RERE: variants seen among roughly 807,000 people sequenced by gnomAD.
RERE encodes arginine-glutamic acid dipeptide repeats protein.
RERE carries 40 observed loss-of-function variants against 146.1 expected under a neutral mutation model. The observed-to-expected ratio is 0.27, with a 90% CI of 0.21 to 0.36. The LOEUF is 0.36. RERE is among the 10% of genes least tolerant of loss of function. The pLI is 1.00. For synonymous variants in RERE, 1,003 were observed against 866.0 expected (o/e 1.16, Z -2.78); for missense variants, 1,933 against 2,138.7 (o/e 0.90, Z 1.90).
In RERE at chr1:8,352,859, G is replaced by A. The variant is rs1351263088; in HGVS notation, c.*2228C>T. ...ATGGGGAGAAAAGCAAAGCTAACAA[G>A]AATGCCTTCGGACGGCTTTCAAGCA... On this transcript the variant is annotated 3_prime_UTR_variant, in exon 23 of 23. Transcript: ENST00000400908. The A allele has an allele frequency of 1.3e-5, 2 of 152,608 alleles. No individual in the cohort carries two copies. The highest frequency in any genetic ancestry group is 4.8e-5 in the African/African-American group (2 of 41,470). 9.5% of individuals were successfully genotyped at this position (152,608 alleles called of 1,614,324 possible). A position where few individuals can be genotyped will look rare whatever the true frequency, so the allele number is the denominator to read the frequency against.
chr1:8,389,371 C>T (rs776099584), intron 12 of RERE, among the ~76,000 whole-genome samples: 13 of 152,314 alleles, frequency 8.5e-5, no homozygotes, highest in Non-Finnish European at 1.6e-4. Context: ...CATCCACTGG[C>T]GTGTGACGTC....
chr1:8,550,086 T>C (rs1645915511), intron 6 of RERE, among the ~76,000 whole-genome samples: 1 of 152,218 alleles, frequency 6.6e-6, no homozygotes, highest in Non-Finnish European at 1.5e-5. Flanking sequence ...TTCTGATAAC[T>C]GTACTATAGT....
At chr1:8,772,033 C>T (rs1346278677) in intron 1 of RERE, among the ~76,000 whole-genome samples, 1 of 151,814 alleles carries the variant, frequency 6.6e-6, no homozygotes, top group Admixed American at 6.6e-5. Flanking sequence ...TGTACTGTCA[C>T]ATGTACATGT....
At chr1:8,572,949 T>C (rs1414154717) in intron 4 of RERE, among the ~76,000 whole-genome samples, 1 of 152,206 alleles carries the variant, frequency 6.6e-6, no homozygotes, top group Admixed American at 6.5e-5. Context: ...GGAAAAACTG[T>C]ATTGTGACCT....
Position 8,449,498 on chromosome 1 carries a change from C to T in RERE, c.1203+16427G>A, listed in dbSNP as rs116181728. 8.6e-3 allele frequency among the ~76,000 whole-genome samples: 1,312 copies of T among 152,168 alleles called. 21 individuals carry two copies. The highest frequency in any genetic ancestry group is 0.03 in the African/African-American group (1,236 of 41,498). On this transcript the variant is annotated intron_variant, in intron 11 of 22. Transcript: ENST00000400908. The stretch of plus-strand genomic sequence containing the variant: ...TTCTCTTCTAATCTTTCCCCCAATC[C>T]AAAATGTCATGAAAAAACTTCAAAG...
intron 12 of RERE, among the ~76,000 whole-genome samples, chr1:8,394,435 A>T (rs998694630): frequency 6.6e-6 from 1 of 152,214 alleles, no homozygotes; most frequent in African/African-American, 2.4e-5. Context: ...ATTAATTCTC[A>T]CTACTGTCCT....
At chr1:8,517,581 T>A (rs1481400651) in intron 7 of RERE, among the ~76,000 whole-genome samples, 1 of 152,228 alleles carries the variant, frequency 6.6e-6, no homozygotes, top group Non-Finnish European at 1.5e-5. Context: ...CCTACATTAT[T>A]CTACAAATCT....
intron 10 of RERE, among the ~76,000 whole-genome samples, chr1:8,489,930 G>A (rs1255056273): frequency 5.3e-5 from 8 of 151,820 alleles, no homozygotes; most frequent in African/African-American, 1.9e-4. Context: ...AGTGCCTGTA[G>A]TCCCAGCTAC....
intron 4 of RERE, among the ~76,000 whole-genome samples, chr1:8,612,841 C>G (rs1459329310): frequency 6.6e-6 from 1 of 152,112 alleles, no homozygotes; most frequent in East Asian, 1.9e-4. Context: ...TAATTTGTCC[C>G]GTAAGATGTC....
rs116282153 is a variant in RERE, at chr1:8,656,083, G to A, written c.215C>T (p.Thr72Met). Residue 72 changes from threonine (T) to methionine (M), a missense_variant, in exon 2 of 23, where the codon ACG becomes ATG. Physicochemically the swap from Thr to Met is moderately conservative, Grantham distance 81 (BLOSUM62 -1). This residue lies in a region of RERE where 107 missense variants were observed against 119.7 expected (regional missense o/e 0.89). Coordinates refer to ENST00000400908, the MANE Select transcript of RERE (RefSeq NM_001042681.2). The stretch of plus-strand genomic sequence containing the variant: ...CGGTGGTTTCTTCTTATTCTTCTTC[G>A]TGGACTCCTCTGCGGTGGCACTATT... Reference protein sequence around the residue: ...DNNSATAEESTKKNKKKPPKK... With the variant: ...DNNSATAEESMKKNKKKPPKK... 196 of 1,613,570 alleles carry A rather than the reference G, an allele frequency of 1.2e-4. No individual in the cohort carries two copies. In the African/African-American group the frequency reaches 1.9e-3, roughly 15 times the overall value.
chr1:8,803,671 T>TC (rs1641630905), intron 1 of RERE, among the ~76,000 whole-genome samples: 1 of 150,590 alleles, frequency 6.6e-6, no homozygotes, highest in Non-Finnish European at 1.5e-5. Flanking sequence ...AAATCAATTC[T>TC]CCCCCCTCAG....
intron 7 of RERE, among the ~76,000 whole-genome samples, chr1:8,530,679 C>CTT (rs1197212764): frequency 0.051 from 4,948 of 96,724 alleles, 247 homozygotes; most frequent in Middle Eastern, 0.098. Flanking sequence ...TTTTCGTTTT[C>CTT]TTTTTTTTTT....
intron 4 of RERE, among the ~76,000 whole-genome samples, chr1:8,592,089 C>T (rs906973766): frequency 3.3e-5 from 5 of 152,152 alleles, no homozygotes; most frequent in African/African-American, 1.2e-4. Flanking sequence ...CAGTACTTCC[C>T]TCCTCAATGA....
At chr1:8,806,392 G>A (rs951577238) in intron 1 of RERE, among the ~76,000 whole-genome samples, 2 of 152,008 alleles carry the variant, frequency 1.3e-5, no homozygotes, top group Admixed American at 6.6e-5. Context: ...TTAGCCAGGT[G>A]TGGTGGTGAT....
chr1:8,377,748 G>T (rs1011933420), intron 12 of RERE, among the ~76,000 whole-genome samples: 4 of 151,978 alleles, frequency 2.6e-5, no homozygotes, highest in African/African-American at 9.7e-5. Flanking sequence ...AATATACATC[G>T]GCAATGTAAC....
chr1:8,562,745 C>CA (rs34189371), intron 4 of RERE, among the ~76,000 whole-genome samples: 11 of 150,822 alleles, frequency 7.3e-5, no homozygotes, highest in Middle Eastern at 3.4e-3. Flanking sequence ...GGACTCTGGG[C>CA]AAAAAAAAGG....
intron 1 of RERE, chr1:8,796,737 A>C (rs1641481674): frequency 6.6e-6 from 1 of 152,158 alleles, no homozygotes. Context: ...AAGAGGCATA[A>C]AACTATAGAA....
intron 3 of RERE, among the ~76,000 whole-genome samples, chr1:8,615,443 T>C (rs530648179): frequency 5.0e-4 from 76 of 152,202 alleles, no homozygotes; most frequent in Non-Finnish European, 9.7e-4. Context: ...AAAAAGACTA[T>C]AGAGCAACTT....
At chr1:8,419,369 C>T (rs1643860823) in intron 12 of RERE, among the ~76,000 whole-genome samples, 1 of 152,120 alleles carries the variant, frequency 6.6e-6, no homozygotes, top group African/African-American at 2.4e-5. Context: ...CACCAGAAAC[C>T]AAAAGAGCTA....
Sources: allele counts gnomAD v4.1 joint callset (sites outside exome capture counted in the v4.1 genomes callset), GRCh38; gene constraint gnomAD v4.1.1; regional missense constraint gnomAD v4.1.1; transcripts MANE v1.5; gene names NCBI Gene and HGNC (gene_info 2026-07-23, HGNC 2026-07-21).